Variants in CAPRIN2 observed in about 807,000 individuals in gnomAD.
CAPRIN2 encodes caprin-2.
Under a neutral mutation model 130.4 loss-of-function variants are expected in CAPRIN2, and 66 were observed. The ratio of observed to expected loss-of-function variants is 0.51; its 90% CI spans 0.42 to 0.62. The LOEUF is 0.62. Ranked by LOEUF, CAPRIN2 falls within the 20% of genes least tolerant of loss-of-function variation. CAPRIN2 has a pLI of 0.00. For missense variants in CAPRIN2, 1,185 were observed against 1,246.6 expected, an observed-to-expected ratio of 0.95 and a Z score of 0.74; for synonymous variants, 471 against 444.1, an observed-to-expected ratio of 1.06 and a Z score of -0.76.
intron 13 of CAPRIN2, 54 bp downstream of exon 15, chr12:30,716,454 C>T: frequency 6.7e-7 from 1 of 1,489,044 alleles, no homozygotes; most frequent in East Asian, 2.3e-5. Flanking sequence ...ACTTGCTGTC[C>T]ATTCAATTGG....
intron 3 of CAPRIN2, among the ~76,000 whole-genome samples, chr12:30,738,607 A>G (rs993504018): frequency 3.9e-5 from 6 of 152,240 alleles, no homozygotes; most frequent in African/African-American, 1.4e-4. Context: ...AACCATCAAC[A>G]GAGTAAACAG....
chr12:30,723,495 A>T (rs2137246641), intron 10 of CAPRIN2, among the ~76,000 whole-genome samples, 181 bp from the exon 12 acceptor site: 1 of 152,360 alleles, frequency 6.6e-6, no homozygotes, highest in African/African-American at 2.4e-5. Flanking sequence ...AGAATAGAAA[A>T]TACTAGTTCC....
exon 1 of CAPRIN2, chr12:30,753,355 C>T: frequency 1.2e-6 from 2 of 1,602,204 alleles, no homozygotes; most frequent in Admixed American, 1.7e-5. Context: ...TTCTTTTTCT[C>T]GATGTTTCTA....
At chr12:30,740,692 T>A (rs1308301578) in intron 3 of CAPRIN2, among the ~76,000 whole-genome samples, 2 of 152,204 alleles carry the variant, frequency 1.3e-5, no homozygotes, top group African/African-American at 4.8e-5. Flanking sequence ...TATTCTAAAA[T>A]ATCTTTAATA....
chr12:30,729,996 T>C (rs997487249), intron 7 of CAPRIN2, among the ~76,000 whole-genome samples: 1 of 152,238 alleles, frequency 6.6e-6, no homozygotes, highest in African/African-American at 2.4e-5. Context: ...ATTTAGAATT[T>C]AGATCAACCT....
At chr12:30,715,353 A>G (rs1434249711) in intron 13 of CAPRIN2, 1 of 625,262 alleles carries the variant, frequency 1.6e-6, no homozygotes, top group East Asian at 3.1e-5. Context: ...AAGGAAGAAA[A>G]TTTTGACCCA....
At chr12:30,739,670 G>A (rs1042518216) in intron 3 of CAPRIN2, among the ~76,000 whole-genome samples, 3 of 150,938 alleles carry the variant, frequency 2.0e-5, no homozygotes, top group Admixed American at 6.6e-5. Flanking sequence ...AGCCGAAATC[G>A]TGCCACTGCA....
intron 8 of CAPRIN2, among the ~76,000 whole-genome samples, chr12:30,727,173 G>A (rs2061195018): frequency 6.6e-6 from 1 of 152,144 alleles, no homozygotes; most frequent in African/African-American, 2.4e-5. Context: ...GCAGCTTTGA[G>A]ATATTAAATT....
At chr12:30,734,147 A>C (rs1056377400) in intron 4 of CAPRIN2, among the ~76,000 whole-genome samples, 1 of 152,244 alleles carries the variant, frequency 6.6e-6, no homozygotes, top group African/African-American at 2.4e-5. Flanking sequence ...CTGAACCCAC[A>C]AAAGTGAAGG....
intron 9 of CAPRIN2, among the ~76,000 whole-genome samples, chr12:30,724,794 C>T (rs1315147031): frequency 1.3e-5 from 2 of 151,736 alleles, no homozygotes; most frequent in South Asian, 2.1e-4. Context: ...AGTTCGAGAC[C>T]GGCATGGAAA....
At chr12:30,723,639 T>C (rs1489243779) in intron 10 of CAPRIN2, among the ~76,000 whole-genome samples, 1 of 151,892 alleles carries the variant, frequency 6.6e-6, no homozygotes, top group Non-Finnish European at 1.5e-5. Flanking sequence ...GGCTACCATG[T>C]ATAGTAATTA....
At chr12:30,721,484 A>G (rs7952888) in intron 11 of CAPRIN2, among the ~76,000 whole-genome samples, 4,111 of 152,332 alleles carry the variant, frequency 0.027, 165 homozygotes, top group African/African-American at 0.092. Flanking sequence ...AGCTGATAGC[A>G]TATGTAAAAT....
intron 2 of CAPRIN2, among the ~76,000 whole-genome samples, chr12:30,746,075 A>G (rs1194079699): frequency 6.6e-6 from 1 of 152,254 alleles, no homozygotes; most frequent in South Asian, 2.1e-4. Context: ...TTCTCACACA[A>G]TAATTCAACC....
chr12:30,738,126 A>C (rs1257543992), intron 3 of CAPRIN2, among the ~76,000 whole-genome samples: 2 of 152,220 alleles, frequency 1.3e-5, no homozygotes, highest in Non-Finnish European at 2.9e-5. Context: ...AAAATTAAAA[A>C]AACCTCAAAA....
chr12:30,752,225 C>T (rs2074330013), intron 1 of CAPRIN2, among the ~76,000 whole-genome samples: 1 of 152,010 alleles, frequency 6.6e-6, no homozygotes, highest in Admixed American at 6.6e-5. Flanking sequence ...CCCGGACCCA[C>T]TATGGTACTC....
intron 15 of CAPRIN2, among the ~76,000 whole-genome samples, chr12:30,712,411 TAAG>T (rs2055249305): frequency 6.6e-6 from 1 of 152,204 alleles, no homozygotes; most frequent in African/African-American, 2.4e-5. Flanking sequence ...ATAGTGGTAT[TAAG>T]AAGAGACAGT....
At chr12:30,738,051 C>A (rs1385080705) in intron 3 of CAPRIN2, among the ~76,000 whole-genome samples, 1 of 152,074 alleles carries the variant, frequency 6.6e-6, no homozygotes, top group Admixed American at 6.5e-5. Flanking sequence ...AACTGCAAAA[C>A]TGGCTATCAT....
intron 15 of CAPRIN2, among the ~76,000 whole-genome samples, chr12:30,712,345 C>T: frequency 6.6e-6 from 1 of 152,182 alleles, no homozygotes; most frequent in East Asian, 1.9e-4. Context: ...TAGCAACTAG[C>T]ATTATCAGTT....
chr12:30,738,952 A>G (rs1269689986), intron 3 of CAPRIN2, among the ~76,000 whole-genome samples: 2 of 152,346 alleles, frequency 1.3e-5, no homozygotes, highest in East Asian at 1.9e-4. Context: ...CACACTGTTG[A>G]TGAGAGTGTA....
Sources: allele counts gnomAD v4.1 joint callset (sites outside exome capture counted in the v4.1 genomes callset), GRCh38; gene constraint gnomAD v4.1.1; transcripts MANE v1.5; gene names NCBI Gene and HGNC (gene_info 2026-07-23, HGNC 2026-07-21).